The following RAB2A variants were observed in gnomAD, a reference collection of about 807,000 sequenced individuals.
The protein encoded by RAB2A is ras-related protein Rab-2A.
Under a neutral mutation model 32.5 loss-of-function variants are expected in RAB2A, and 7 were observed. The observed-to-expected ratio is 0.22, with a 90% CI of 0.12 to 0.40. The LOEUF is 0.40. Among genes scored for constraint, RAB2A ranks in the 10% least tolerant of loss-of-function variants. The pLI, the probability that RAB2A is intolerant of heterozygous loss-of-function variation, is 1.00. For synonymous variants in RAB2A, 79 were observed against 85.2 expected, an observed-to-expected ratio of 0.93 and a Z score of 0.40; for missense variants, 108 against 260.7, an observed-to-expected ratio of 0.41 and a Z score of 4.03.
intron 6 of RAB2A, among the ~76,000 whole-genome samples, chr8:60,597,125 A>T (rs932394063): frequency 1.3e-5 from 2 of 152,062 alleles, no homozygotes; most frequent in East Asian, 1.9e-4. Context: ...AAATCATTCT[A>T]TAAAGATACA....
chr8:60,549,085 G>C (rs1276231919), intron 1 of RAB2A, among the ~76,000 whole-genome samples: 1 of 150,902 alleles, frequency 6.6e-6, no homozygotes, highest in African/African-American at 2.4e-5. Context: ...ATGTGATGGC[G>C]GCCGGGAAGA....
Position 60,517,396 on chromosome 8 carries a change from G to A in RAB2A, c.46+143G>A, listed in dbSNP as rs1807223117. On this transcript the variant is annotated intron_variant, in intron 1 of 7. Coordinates refer to ENST00000262646, the MANE Select transcript of RAB2A (RefSeq NM_002865.3). ...GCGCCGCTCCATTTCCGCAGTGCTG[G>A]AGCTGGTGACGTGGGCACTGCGAGC... The A allele has an allele frequency of 7.6e-6, 6 of 788,892 alleles. No individual in the cohort carries two copies. In the Admixed American group the frequency reaches 1.8e-4, roughly 23 times the overall value. The allele number at this position is 788,892 out of a possible 1,614,324, so 48.9% of individuals were successfully genotyped here.
At chr8:60,569,303 G>A (rs999057636) in intron 2 of RAB2A, among the ~76,000 whole-genome samples, 1 of 151,888 alleles carries the variant, frequency 6.6e-6, no homozygotes, top group African/African-American at 2.4e-5. Context: ...CTGTTTGTTT[G>A]TTTGTTTGTT....
rs1267908534 is a variant in RAB2A at position 60,558,930 on chromosome 8, T to C, written c.118+7T>C. 6.2e-7 allele frequency: 1 copy of C among 1,602,232 alleles called. No homozygotes were observed. Among genetic ancestry groups the C allele is most frequent in the Non-Finnish European group, 8.5e-7 (1 of 1,170,342 alleles). On this transcript the variant is annotated splice_region_variant and intron_variant, in intron 2 of 7. Transcript: ENST00000262646. ...GTGCATGACCTTACTATTGGTAAGT[T>C]TTATAAAAGGGATGAGAAGCACTAA...
chr8:60,578,556 C>T (rs185363802), intron 3 of RAB2A, among the ~76,000 whole-genome samples: 7 of 149,034 alleles, frequency 4.7e-5, no homozygotes, highest in Admixed American at 3.9e-4. Context: ...AAAAAATGGA[C>T]TTGTATGAGC....
At chr8:60,518,757 T>G (rs1807254850) in intron 1 of RAB2A, among the ~76,000 whole-genome samples, 1 of 151,950 alleles carries the variant, frequency 6.6e-6, no homozygotes, top group African/African-American at 2.4e-5. Context: ...AATGCTGTGG[T>G]GTATTTGGAA....
At chr8:60,577,566 A>C (rs1803658958) in intron 3 of RAB2A, among the ~76,000 whole-genome samples, 1 of 152,030 alleles carries the variant, frequency 6.6e-6, no homozygotes, top group Non-Finnish European at 1.5e-5. Flanking sequence ...AGTTTTGTAC[A>C]TGCATGTAGA....
intron 1 of RAB2A, among the ~76,000 whole-genome samples, chr8:60,551,026 T>C (rs1037845239): frequency 6.6e-6 from 1 of 152,182 alleles, no homozygotes; most frequent in Admixed American, 6.5e-5. Flanking sequence ...CACTGGCCTA[T>C]TTCCTCACCT....
intron 1 of RAB2A, among the ~76,000 whole-genome samples, chr8:60,554,011 A>G (rs546317315): frequency 6.6e-6 from 1 of 152,350 alleles, no homozygotes; most frequent in South Asian, 2.1e-4. Context: ...GTTGCTAACT[A>G]TAGAGTCTTT....
chr8:60,574,062 T>C (rs1808234752), intron 3 of RAB2A, among the ~76,000 whole-genome samples: 1 of 152,282 alleles, frequency 6.6e-6, no homozygotes, highest in South Asian at 2.1e-4. Context: ...ACTACTGTTA[T>C]TCTTCAATAA....
chr8:60,583,444 C>T (rs1803795479), intron 3 of RAB2A, among the ~76,000 whole-genome samples: 1 of 152,032 alleles, frequency 6.6e-6, no homozygotes, highest in Non-Finnish European at 1.5e-5. Flanking sequence ...AATTACCTAG[C>T]TTTGCATAAT....
intron 3 of RAB2A, among the ~76,000 whole-genome samples, chr8:60,577,161 T>G (rs1304949933): frequency 6.6e-6 from 1 of 151,794 alleles, no homozygotes; most frequent in African/African-American, 2.4e-5. Context: ...TCCTCTCACC[T>G]CAGCTTCCCC....
intron 6 of RAB2A, among the ~76,000 whole-genome samples, chr8:60,603,301 A>G (rs556443569): frequency 1.3e-5 from 2 of 152,226 alleles, no homozygotes; most frequent in Admixed American, 6.5e-5. Flanking sequence ...CTATTTATAC[A>G]TGTTCACCAA....
chr8:60,593,361 A>G (rs1321957679), intron 6 of RAB2A, among the ~76,000 whole-genome samples: 1 of 152,186 alleles, frequency 6.6e-6, no homozygotes, highest in African/African-American at 2.4e-5. Context: ...CACATACCCG[A>G]GACTGGGTGC....
At chr8:60,587,382 A>C (rs1803868509) in intron 5 of RAB2A, among the ~76,000 whole-genome samples, 1 of 152,230 alleles carries the variant, frequency 6.6e-6, no homozygotes, top group African/African-American at 2.4e-5. Context: ...CATAGACCTA[A>C]GTGTGAGAGC....
intron 1 of RAB2A, among the ~76,000 whole-genome samples, chr8:60,531,859 A>G (rs571311048): frequency 2.7e-5 from 4 of 149,918 alleles, no homozygotes; most frequent in African/African-American, 9.9e-5. Context: ...CTATACTACA[A>G]TGGCGTGATC....
At chr8:60,589,501 C>G (rs1803901057) in intron 5 of RAB2A, among the ~76,000 whole-genome samples, 1 of 151,976 alleles carries the variant, frequency 6.6e-6, no homozygotes, top group Admixed American at 6.6e-5. Context: ...ACAGATGACA[C>G]AAATTTTTCT....
intron 1 of RAB2A, among the ~76,000 whole-genome samples, chr8:60,526,267 A>AC (rs1005893332): frequency 9.9e-5 from 15 of 151,798 alleles, no homozygotes; most frequent in Admixed American, 3.3e-4. Flanking sequence ...TAGGGCTGAG[A>AC]CCCCGTTTCC....
chr8:60,581,924 T>C (rs1803762810), intron 3 of RAB2A, among the ~76,000 whole-genome samples: 2 of 150,934 alleles, frequency 1.3e-5, no homozygotes, highest in Admixed American at 1.3e-4. Flanking sequence ...TTTGTTGTTT[T>C]TTGTTGTTGT....
Sources: gnomAD v4.1 joint callset for allele counts (sites outside exome capture counted in the v4.1 genomes callset) on GRCh38, gnomAD v4.1.1 for gene constraint, MANE v1.5 for transcripts, NCBI Gene and HGNC (gene_info 2026-07-23, HGNC 2026-07-21) for gene names.